CACNA1E: variants seen among roughly 807,000 people sequenced by gnomAD.
The protein encoded by CACNA1E is calcium voltage-gated channel subunit alpha1 E.
A neutral mutation model predicts 259.2 loss-of-function variants in CACNA1E; 40 were observed. That is an observed-to-expected ratio of 0.15 (90% CI 0.12 to 0.20). The LOEUF (loss-of-function observed/expected upper bound fraction) is 0.20. Ranked by LOEUF, CACNA1E falls within the 10% of genes least tolerant of loss-of-function variation. The pLI is 1.00. For missense variants in CACNA1E, 1,874 were observed against 3,040.1 expected (o/e 0.62, Z 9.02); for synonymous variants, 1,104 against 1,138.5 (o/e 0.97, Z 0.61).
chr1:181,646,247 T>TTTTTG, intron 6 of CACNA1E, among the ~76,000 whole-genome samples: 1 of 152,190 alleles, frequency 6.6e-6, no homozygotes, highest in Non-Finnish European at 1.5e-5. Flanking sequence ...CCCCAGAACA[T>TTTTTG]TTGGCAATTT....
chr1:181,426,235 T>A, intron 2 of CACNA1E, among the ~76,000 whole-genome samples: 1 of 151,490 alleles, frequency 6.6e-6, no homozygotes, highest in East Asian at 1.9e-4. Flanking sequence ...TCTCAACCCT[T>A]CCTCAACCCA....
At chr1:181,343,087 G>T (rs1652296202) in intron 1 of CACNA1E, among the ~76,000 whole-genome samples, 1 of 151,990 alleles carries the variant, frequency 6.6e-6, no homozygotes, top group Non-Finnish European at 1.5e-5. Context: ...GTTGGTGGTG[G>T]TGATGAGGGA....
Position 181,758,303 on chromosome 1 carries a change from T to C in CACNA1E, c.4494+192T>C, listed in dbSNP as rs1223256062. Among the ~76,000 whole-genome samples, 1 of 152,192 alleles carries C rather than the reference T, an allele frequency of 6.6e-6. No homozygotes were observed. The highest frequency in any genetic ancestry group is 6.5e-5 in the Admixed American group (1 of 15,288). ...TGGGGGTCCACTGAGCAAAATGCAG[T>C]GCAGACTATAGTAGCCATCCAGGGG... On this transcript the variant is annotated intron_variant, in intron 31 of 47. Coordinates refer to ENST00000367573, the MANE Select transcript of CACNA1E (RefSeq NM_001205293.3). This position sits in a 1 kb window ranked among gnomAD's most constrained non-coding sequence, Gnocchi z 4.2.
At chr1:181,707,226 C>T (rs1216010881) in intron 7 of CACNA1E, among the ~76,000 whole-genome samples, 3 of 152,230 alleles carry the variant, frequency 2.0e-5, no homozygotes, top group Non-Finnish European at 2.9e-5. Context: ...GAAGGTCCCC[C>T]ACATCCTCCA....
chr1:181,368,940 A>T (rs1247475118), intron 1 of CACNA1E, among the ~76,000 whole-genome samples: 1 of 152,236 alleles, frequency 6.6e-6, no homozygotes. Context: ...TAAAGATGAT[A>T]TATGCAAAGC....
At chr1:181,723,472 T>C (rs1175912726) in intron 16 of CACNA1E, among the ~76,000 whole-genome samples, 1 of 152,196 alleles carries the variant, frequency 6.6e-6, no homozygotes, top group Non-Finnish European at 1.5e-5. Flanking sequence ...TGTAACCAAA[T>C]GCGTGGGTTT....
At chr1:181,357,983 G>A (rs567249608) in intron 1 of CACNA1E, among the ~76,000 whole-genome samples, 16 of 152,298 alleles carry the variant, frequency 1.1e-4, no homozygotes, top group African/African-American at 3.6e-4. Context: ...AAGGAGGTGA[G>A]AGATTTGCTG....
intron 3 of CACNA1E, among the ~76,000 whole-genome samples, chr1:181,514,172 TG>T (rs1407429074): frequency 6.6e-6 from 1 of 152,214 alleles, no homozygotes; most frequent in Non-Finnish European, 1.5e-5. Context: ...TACCACATTG[TG>T]TGGCTCTAAG....
At chr1:181,365,691 C>A (rs774583783) in intron 1 of CACNA1E, among the ~76,000 whole-genome samples, 4 of 152,212 alleles carry the variant, frequency 2.6e-5, no homozygotes, top group Non-Finnish European at 5.9e-5. Context: ...GGCATCCCAG[C>A]AAGAAGTTCA....
chr1:181,732,943 C>A lies in CACNA1E; in HGVS notation c.2857C>A (p.Pro953Thr). The A allele has an allele frequency of 6.2e-7, 1 of 1,613,998 alleles. No individual in the cohort carries two copies. ...GGAACGCAGTCTGGATGAAGCCATG[C>A]CCACTGAAGGGGAGAAGGACCATGA... ...SQERSLDEAM[P>T]TEGEKDHELR... is the part of the protein sequence containing the mutation. Residue 953 changes from proline to threonine, a missense_variant, in exon 20 of 48, where the codon CCC becomes ACC. Coordinates refer to ENST00000367573, the MANE Select transcript of CACNA1E (RefSeq NM_001205293.3). This position sits in a 1 kb window ranked among gnomAD's most constrained non-coding sequence, Gnocchi z 5.5.
At chr1:181,337,728 A>G (rs534558112) in intron 1 of CACNA1E, among the ~76,000 whole-genome samples, 4 of 152,296 alleles carry the variant, frequency 2.6e-5, no homozygotes, top group African/African-American at 4.8e-5. Context: ...CATTCTGTAC[A>G]TATATCACAA....
chr1:181,369,861 T>C (rs1160592142), intron 1 of CACNA1E, among the ~76,000 whole-genome samples: 1 of 152,222 alleles, frequency 6.6e-6, no homozygotes, highest in Non-Finnish European at 1.5e-5. Context: ...AGGCAAATTG[T>C]GTGTCATGGG....
intron 1 of CACNA1E, among the ~76,000 whole-genome samples, chr1:181,390,308 T>C (rs770627313): frequency 8.8e-5 from 11 of 125,624 alleles, no homozygotes; most frequent in Non-Finnish European, 1.7e-4. Context: ...ACACCTTATT[T>C]ATTTATTTAT....
intron 1 of CACNA1E, among the ~76,000 whole-genome samples, chr1:181,373,738 C>CAT (rs1654882162): frequency 1.3e-5 from 2 of 151,866 alleles, no homozygotes; most frequent in Admixed American, 6.6e-5. Context: ...GGGGTTTCAC[C>CAT]GTGGTCTCGA....
intron 7 of CACNA1E, among the ~76,000 whole-genome samples, chr1:181,683,624 G>A (rs369319616): frequency 1.6e-4 from 25 of 152,056 alleles, no homozygotes; most frequent in African/African-American, 4.6e-4. Context: ...GATATCTATT[G>A]TTAACCTATT....
intron 1 of CACNA1E, among the ~76,000 whole-genome samples, chr1:181,340,826 T>C (rs139304656): frequency 8.5e-4 from 129 of 152,350 alleles, no homozygotes; most frequent in Admixed American, 1.8e-3. Context: ...GATGATTTAC[T>C]ATCTGCTTTT....
chr1:181,585,636 T>C (rs1403207434), intron 6 of CACNA1E, among the ~76,000 whole-genome samples: 1 of 152,158 alleles, frequency 6.6e-6, no homozygotes, highest in Non-Finnish European at 1.5e-5. Flanking sequence ...GAGGACCACA[T>C]TGAGAAGATG....
chr1:181,770,703 A>C (rs939197320), intron 35 of CACNA1E, among the ~76,000 whole-genome samples: 1 of 152,174 alleles, frequency 6.6e-6, no homozygotes, highest in Non-Finnish European at 1.5e-5. Flanking sequence ...TGTGTGTTCA[A>C]TCTCATAGAT....
chr1:181,437,363 A>G (rs995738454), intron 2 of CACNA1E, among the ~76,000 whole-genome samples: 4 of 152,188 alleles, frequency 2.6e-5, no homozygotes, highest in African/African-American at 9.6e-5. Context: ...TGTCACATAT[A>G]AGAACAAAAC....
Sources: allele counts gnomAD v4.1 joint callset (sites outside exome capture counted in the v4.1 genomes callset), GRCh38; gene constraint gnomAD v4.1.1; non-coding constraint Gnocchi (gnomAD v3.1); transcripts MANE v1.5; gene names NCBI Gene and HGNC (gene_info 2026-07-23, HGNC 2026-07-21).